The following ACOX3 variants were observed in gnomAD, a reference collection of about 807,000 sequenced individuals.
ACOX3 encodes peroxisomal acyl-coenzyme A oxidase 3.
ACOX3 carries 73 observed loss-of-function variants against 81.5 expected under a neutral mutation model. The ratio of observed to expected loss-of-function variants is 0.90; its 90% CI spans 0.74 to 1.09. The LOEUF is 1.09. Among genes scored for constraint, ACOX3 ranks in the 50% least tolerant of loss-of-function variants. ACOX3 has a pLI of 0.00. For synonymous variants in ACOX3, 387 were observed against 375.1 expected, an observed-to-expected ratio of 1.03 and a Z score of -0.37; for missense variants, 947 against 928.0, an observed-to-expected ratio of 1.02 and a Z score of -0.27.
Position 8,375,269 on chromosome 4 carries a change from G to A in ACOX3, c.1654-117C>T, listed in dbSNP as rs994939377. On this transcript the variant is annotated intron_variant, in intron 14 of 17. Coordinates refer to ENST00000356406, the MANE Select transcript of ACOX3 (RefSeq NM_003501.3). Reference sequence around the variant, plus strand: ...GTCTGCGTTCCCGTGCATGTCCTAGGACAGTAACATAAGGTGAGGCAGAGC... The same window carrying A: ...GTCTGCGTTCCCGTGCATGTCCTAGAACAGTAACATAAGGTGAGGCAGAGC... The A allele has an allele frequency of 1.1e-5, 11 of 1,029,082 alleles. No homozygotes were observed. The African/African-American group carries it at 1.6e-4, about 15-fold the overall frequency. The allele number at this position is 1,029,082 out of a possible 1,614,324, so 63.7% of individuals were successfully genotyped here.
chr4:8,426,234 G>A (rs564195385), intron 1 of ACOX3, among the ~76,000 whole-genome samples: 1 of 152,136 alleles, frequency 6.6e-6, no homozygotes, highest in East Asian at 1.9e-4. Context: ...TTCCACCCTG[G>A]TAACATGGTA....
intron 1 of ACOX3, among the ~76,000 whole-genome samples, chr4:8,417,148 T>A (rs1036980411): frequency 1.3e-5 from 2 of 152,214 alleles, no homozygotes; most frequent in Admixed American, 1.3e-4. Context: ...AAATAACCAT[T>A]CTGGAATTTT....
chr4:8,411,494 C>A (rs3756184), intron 5 of ACOX3, among the ~76,000 whole-genome samples: 1 of 152,252 alleles, frequency 6.6e-6, no homozygotes, highest in East Asian at 1.9e-4. Flanking sequence ...TCTTCGCCTG[C>A]GAGGGTAAGG....
chr4:8,411,066 G>C (rs183202970), intron 5 of ACOX3, among the ~76,000 whole-genome samples: 29 of 152,214 alleles, frequency 1.9e-4, no homozygotes, highest in Non-Finnish European at 3.7e-4. Flanking sequence ...CTGCCCCAGG[G>C]GCGTCTGCTG....
At chr4:8,435,631 A>T (rs1724194305) in intron 1 of ACOX3, among the ~76,000 whole-genome samples, 1 of 152,272 alleles carries the variant, frequency 6.6e-6, no homozygotes, top group South Asian at 2.1e-4. Flanking sequence ...GACCTAGATC[A>T]ATTCCTTTAT....
chr4:8,420,381 C>A (rs1045907472), intron 1 of ACOX3, among the ~76,000 whole-genome samples: 7 of 152,180 alleles, frequency 4.6e-5, no homozygotes, highest in African/African-American at 1.7e-4. Flanking sequence ...ACAGGACTAG[C>A]TGGATTTCCA....
At chr4:8,403,370 C>A (rs1720572737) in intron 7 of ACOX3, among the ~76,000 whole-genome samples, 2 of 152,214 alleles carry the variant, frequency 1.3e-5, no homozygotes, top group Admixed American at 6.5e-5. Flanking sequence ...CTGCCCAGAC[C>A]CTCCAGCCCT....
At chr4:8,363,712 T>G (rs1346846308), downstream of ACOX3, among the ~76,000 whole-genome samples, 1 of 152,152 alleles carries the variant, frequency 6.6e-6, no homozygotes, top group Non-Finnish European at 1.5e-5. Context: ...CGGCACAGGA[T>G]GCAGGTCATA....
chr4:8,437,214 ATATCACCCAGTC>A lies in ACOX3; in HGVS notation c.-15+3422_-15+3433del, dbSNP rs982530666. Among the ~76,000 whole-genome samples, 44 of 150,814 alleles carry A rather than the reference ATATCACCCAGTC, an allele frequency of 2.9e-4. No homozygotes were observed. Among genetic ancestry groups the A allele is most frequent in the Non-Finnish European group, 5.3e-4 (36 of 67,838 alleles). ...CATCAAGCAGAAGCTACAGGCATGA[ATATCACCCAGTC>A]TATAAAAGTGGCCACCAAGGCGTAT... On this transcript the variant is annotated intron_variant, in intron 1 of 17. Coordinates refer to ENST00000356406, the MANE Select transcript of ACOX3 (RefSeq NM_003501.3). The surrounding 1 kb of genome is among the most constrained non-coding windows in gnomAD (Gnocchi z 5.2).
chr4:8,371,125 C>T (rs1716138591), intron 16 of ACOX3, 131 bp from the exon 17 acceptor site: 1 of 740,392 alleles, frequency 1.4e-6, no homozygotes, highest in Non-Finnish European at 2.3e-6. Flanking sequence ...TGCGGCTCTG[C>T]TGCCCATGCG....
At chr4:8,369,627 C>A (rs904021154) in intron 17 of ACOX3, among the ~76,000 whole-genome samples, 3 of 152,228 alleles carry the variant, frequency 2.0e-5, no homozygotes, top group African/African-American at 7.2e-5. Flanking sequence ...TGCCTCTTGG[C>A]ACACCTAGCC....
rs1307820701 is a variant in ACOX3 at position 8,382,964 on chromosome 4, C to T, written c.1538-1357G>A. Among the ~76,000 whole-genome samples the T allele has an allele frequency of 1.1e-4, 15 of 136,810 alleles. No individual in the cohort carries two copies. Among genetic ancestry groups the T allele is most frequent in the Admixed American group, 7.6e-4 (9 of 11,776 alleles). 89.8% of individuals were successfully genotyped at this position (136,810 alleles called of 152,430 possible). On this transcript the variant is annotated intron_variant, in intron 13 of 17. Transcript: ENST00000356406. This position sits in a 1 kb window ranked among gnomAD's most constrained non-coding sequence, Gnocchi z 4.1. ...CGAGATCGCGCCACTGCACTCCAGC[C>T]TGGGCGACAGAGCGAGACTCCGTCT...
In ACOX3 at chr4:8,389,564, GCCC is replaced by G; in HGVS notation, c.1423+45_1423+47del. 6.2e-7 allele frequency: 1 copy of G among 1,611,204 alleles called. No homozygotes were observed. The highest frequency in any genetic ancestry group is 8.5e-7 in the Non-Finnish European group (1 of 1,179,262). ...AGTGAGGCCAGGAGAACCCACCCCT[GCCC>G]CAGTTGGGTTCCAGCGCCCCCACCA... On this transcript the variant is annotated intron_variant, in intron 12 of 17. Coordinates refer to ENST00000356406, the MANE Select transcript of ACOX3 (RefSeq NM_003501.3). The surrounding 1 kb of genome is among the most constrained non-coding windows in gnomAD (Gnocchi z 5.3).
the ACOX3 span, chr4:8,355,376 GA>G: frequency 2.0e-5 from 3 of 152,194 alleles, no homozygotes; most frequent in Non-Finnish European, 4.4e-5. Context: ...CCACAACCAT[GA>G]AAACAACAGA....
rs1445925117 is a variant in ACOX3, at chr4:8,400,292, T to C, written c.777-640A>G. On this transcript the variant is annotated intron_variant, in intron 7 of 17. Transcript: ENST00000356406. The surrounding 1 kb of genome is among the most constrained non-coding windows in gnomAD (Gnocchi z 4.4). ...ATAATAATAATAATAATAAAAGCAT[T>C]GTGTATATGGTAAGTTGTACTCCAA... Among the ~76,000 whole-genome samples, 2 of 148,712 alleles carry C rather than the reference T, an allele frequency of 1.3e-5. No homozygotes were observed. The highest frequency in any genetic ancestry group is 1.3e-4 in the Admixed American group (2 of 14,962).
intron 14 of ACOX3, among the ~76,000 whole-genome samples, chr4:8,377,937 C>T (rs1051117683): frequency 1.1e-4 from 16 of 152,170 alleles, no homozygotes; most frequent in African/African-American, 3.9e-4. Flanking sequence ...GCCCCACTGC[C>T]CCCACCAGCT....
intron 1 of ACOX3, among the ~76,000 whole-genome samples, chr4:8,420,937 G>C (rs12513048): frequency 6.6e-6 from 1 of 152,186 alleles, no homozygotes; most frequent in Non-Finnish European, 1.5e-5. Context: ...CTAGTCCCTG[G>C]GTTCCACAGT....
intron 1 of ACOX3, among the ~76,000 whole-genome samples, chr4:8,434,455 G>T (rs1396470142): frequency 6.6e-6 from 1 of 152,272 alleles, no homozygotes; most frequent in African/African-American, 2.4e-5. Flanking sequence ...GCTTATGCCT[G>T]CCCTGTAGAG....
chr4:8,420,476 A>G (rs1230751278), intron 1 of ACOX3, among the ~76,000 whole-genome samples: 1 of 152,214 alleles, frequency 6.6e-6, no homozygotes, highest in Non-Finnish European at 1.5e-5. Flanking sequence ...AGCTCACACC[A>G]GACCAATCAG....
Sources: gnomAD v4.1 joint callset for allele counts (sites outside exome capture counted in the v4.1 genomes callset) on GRCh38, gnomAD v4.1.1 for gene constraint, Gnocchi (gnomAD v3.1) non-coding constraint, MANE v1.5 for transcripts, NCBI Gene and HGNC (gene_info 2026-07-23, HGNC 2026-07-21) for gene names.